Variants in FLI1 observed in about 807,000 individuals in gnomAD.
FLI1 encodes the protein Fli-1 proto-oncogene, ETS transcription factor.
In FLI1, 13 loss-of-function variants were observed where a neutral mutation model predicts 53.1. That is an observed-to-expected ratio of 0.24 (90% CI 0.16 to 0.39). The LOEUF (loss-of-function observed/expected upper bound fraction) is 0.39. FLI1 is among the 10% of genes least tolerant of loss of function. The pLI is 1.00. For synonymous variants in FLI1, 244 were observed against 236.7 expected (o/e 1.03, Z -0.28); for missense variants, 424 against 600.5 (o/e 0.71, Z 3.07).
chr11:128,708,341 G>A (rs1243727244), intron 1 of FLI1, among the ~76,000 whole-genome samples: 3 of 152,218 alleles, frequency 2.0e-5, no homozygotes, highest in Non-Finnish European at 4.4e-5. Context: ...ACTCCCTTCT[G>A]ATTGGAAGGA....
Position 128,810,502 on chromosome 11 carries a change from C to T in FLI1, c.873C>T (p.Leu291=). The T allele has an allele frequency of 6.2e-7, 1 of 1,605,638 alleles. No individual in the cohort carries two copies. The highest frequency in any genetic ancestry group is 8.5e-7 in the Non-Finnish European group (1 of 1,176,024). ...IQLWQFLLEL[L]SDSANASCIT... is the part of the protein sequence containing the mutation. ...TGTGGCAATTCCTCCTGGAGCTGCT[C>T]TCCGACAGCGCCAACGCCAGCTGTA... The change falls in exon 9 of 9, where the codon CTC becomes CTT. Residue 291 remains leucine, a synonymous_variant. Transcript: ENST00000527786. This position sits in a 1 kb window ranked among gnomAD's most constrained non-coding sequence, Gnocchi z 6.6.
intron 1 of FLI1, among the ~76,000 whole-genome samples, chr11:128,719,607 G>A (rs77765006): frequency 0.036 from 5,532 of 152,200 alleles, 251 homozygotes; most frequent in East Asian, 0.24. Context: ...GGGCAACGGA[G>A]ACTTACTGCA....
chr11:128,765,801 G>A (rs761954871), intron 2 of FLI1, among the ~76,000 whole-genome samples: 2 of 152,088 alleles, frequency 1.3e-5, no homozygotes, highest in South Asian at 4.1e-4. Flanking sequence ...TGTGTAATGT[G>A]TATGCGTGTG....
At chr11:128,693,950 G>C (rs1263409279), upstream of FLI1, 11 of 87,454 alleles carry the variant, frequency 1.3e-4, 1 homozygote, top group African/African-American at 6.4e-4. Context: ...GCGAGAGAGA[G>C]AGAGAGAGAG....
At chr11:128,744,237 T>C (rs969626536) in intron 1 of FLI1, among the ~76,000 whole-genome samples, 11 of 152,224 alleles carry the variant, frequency 7.2e-5, no homozygotes, top group Non-Finnish European at 1.2e-4. Flanking sequence ...AAGCATTTCC[T>C]GGAACAACAG....
At chr11:128,755,779 T>C (rs1414367502) in intron 1 of FLI1, among the ~76,000 whole-genome samples, 2 of 152,162 alleles carry the variant, frequency 1.3e-5, no homozygotes, top group African/African-American at 4.8e-5. Flanking sequence ...GGGATGTAAG[T>C]GTTTTAATAT....
At chr11:128,720,311 T>C (rs570000023) in intron 1 of FLI1, among the ~76,000 whole-genome samples, 1 of 152,298 alleles carries the variant, frequency 6.6e-6, no homozygotes, top group East Asian at 1.9e-4. Context: ...TGGAATAGTA[T>C]ATATTATTTT....
At chr11:128,715,167 C>T (rs767358013) in intron 1 of FLI1, among the ~76,000 whole-genome samples, 2 of 152,206 alleles carry the variant, frequency 1.3e-5, no homozygotes, top group African/African-American at 2.4e-5. Flanking sequence ...AGACTTTACT[C>T]ACTGCATATG....
chr11:128,687,091 T>G (rs1807133244), intron 1 of FLI1, among the ~76,000 whole-genome samples: 1 of 152,234 alleles, frequency 6.6e-6, no homozygotes, highest in South Asian at 2.1e-4. Context: ...CATGTGTGCA[T>G]GCGTGCGCCT....
intron 1 of FLI1, among the ~76,000 whole-genome samples, chr11:128,729,738 A>C (rs1430350485): frequency 2.5e-4 from 38 of 152,148 alleles, no homozygotes. Context: ...TCCCCATTCC[A>C]AGAGCCCGGT....
At chr11:128,693,306 G>A (rs535778224), upstream of FLI1, 1 of 152,310 alleles carries the variant, frequency 6.6e-6, no homozygotes, top group Non-Finnish European at 1.5e-5. Context: ...CCCTGACAGC[G>A]CGGGTCAGCC....
At chr11:128,749,870 C>T (rs1940565897) in intron 1 of FLI1, among the ~76,000 whole-genome samples, 2 of 152,296 alleles carry the variant, frequency 1.3e-5, no homozygotes, top group African/African-American at 4.8e-5. Flanking sequence ...GAGAGAGAAG[C>T]AAAAGGCTTG....
rs1479682457 is a variant in FLI1, at chr11:128,794,797, C to G, written c.656-10569C>G. On this transcript the variant is annotated intron_variant, in intron 5 of 8. Transcript: ENST00000527786. ...TAAGATCGAGAAGTTTAACATGGGTCAGGTGTGGTGGCTCACGCCTGTAAT... is the reference window on the plus strand; with the variant it reads ...TAAGATCGAGAAGTTTAACATGGGTGAGGTGTGGTGGCTCACGCCTGTAAT... Among the ~76,000 whole-genome samples the G allele has an allele frequency of 3.1e-4, 47 of 152,190 alleles. 1 individual carries two copies. The highest frequency in any genetic ancestry group is 1.0e-4 in the Non-Finnish European group (7 of 68,016).
intron 3 of FLI1, 72 bp downstream of exon 3, chr11:128,768,344 C>T: frequency 6.4e-7 from 1 of 1,564,250 alleles, no homozygotes; most frequent in South Asian, 1.1e-5. Context: ...AGCATCTAAA[C>T]CTTTATCTGA....
At chr11:128,751,845 T>TTG (rs1940661417) in intron 1 of FLI1, among the ~76,000 whole-genome samples, 2 of 148,570 alleles carry the variant, frequency 1.3e-5, no homozygotes, top group African/African-American at 5.0e-5. Flanking sequence ...TTTTTTTTTG[T>TTG]AGAGAAAGAG....
chr11:128,712,203 T>C (rs1026228694), intron 1 of FLI1, among the ~76,000 whole-genome samples: 1 of 151,970 alleles, frequency 6.6e-6, no homozygotes, highest in Non-Finnish European at 1.5e-5. Flanking sequence ...GTTAAAAGAG[T>C]CTGGGACCTC....
chr11:128,801,010 T>C (rs1302751909), intron 5 of FLI1, among the ~76,000 whole-genome samples: 3 of 152,246 alleles, frequency 2.0e-5, no homozygotes, highest in African/African-American at 7.2e-5. Flanking sequence ...GATTGTCTGC[T>C]GATTAAGCCA....
rs75687004 is a variant in FLI1 at position 128,731,136 on chromosome 11, T to C, written c.19-26979T>C. ...TATATATAGACGCTTGGCCGTTTCCTGTTGCTCTTGCAGCTTGCACAGGTT... is the reference window on the plus strand; with the variant it reads ...TATATATAGACGCTTGGCCGTTTCCCGTTGCTCTTGCAGCTTGCACAGGTT... On this transcript the variant is annotated intron_variant, in intron 1 of 8. Transcript: ENST00000527786. Among the ~76,000 whole-genome samples, 1,125 of 152,376 alleles carry C rather than the reference T, an allele frequency of 7.4e-3. 10 individuals are homozygous for C. Among genetic ancestry groups the C allele is most frequent in the Non-Finnish European group, 0.013 (866 of 68,032 alleles).
Position 128,694,104 on chromosome 11 carries a change from C to G in FLI1, c.-155C>G, listed in dbSNP as rs1349472028. On this transcript the variant is annotated 5_prime_UTR_variant, in exon 1 of 9. Coordinates refer to ENST00000527786, the MANE Select transcript of FLI1 (RefSeq NM_002017.5). ...GCTCCGCTACAACAACAAACGTGCA[C>G]AGGGGAGTGAGGGCAGGGCGCTCGC... is the stretch of plus-strand genomic sequence containing the variant. 18 of 602,956 alleles carry G rather than the reference C, an allele frequency of 3.0e-5. No individual in the cohort carries two copies. The highest frequency in any genetic ancestry group is 3.2e-4 in the Middle Eastern group (1 of 3,154). The allele number at this position is 602,956 out of a possible 1,614,324, so 37.4% of individuals were successfully genotyped here. A position where few individuals can be genotyped will look rare whatever the true frequency, so the allele number is the denominator to read the frequency against.
Sources: gnomAD v4.1 joint callset for allele counts (sites outside exome capture counted in the v4.1 genomes callset) on GRCh38, gnomAD v4.1.1 for gene constraint, Gnocchi (gnomAD v3.1) non-coding constraint, MANE v1.5 for transcripts, NCBI Gene and HGNC (gene_info 2026-07-23, HGNC 2026-07-21) for gene names.